The following JPH3 variants were observed in gnomAD, a reference collection of about 807,000 sequenced individuals.
JPH3 encodes junctophilin-3.
JPH3 carries 11 observed loss-of-function variants against 59.6 expected under a neutral mutation model. The observed-to-expected ratio is 0.18, with a 90% CI of 0.12 to 0.31. JPH3 has a LOEUF of 0.31. Ranked by LOEUF, JPH3 falls within the 10% of genes least tolerant of loss-of-function variation. The probability of loss-of-function intolerance (pLI) is 1.00; values close to 1 mark genes in which losing one functional copy is unlikely to be tolerated. For missense variants in JPH3, 1,202 were observed against 1,105.7 expected (o/e 1.09, Z -1.24); for synonymous variants, 673 against 483.6 (o/e 1.39, Z -5.14).
chr16:87,631,612 G>A (rs1433076321), intron 1 of JPH3, among the ~76,000 whole-genome samples: 1 of 152,144 alleles, frequency 6.6e-6, no homozygotes, highest in Non-Finnish European at 1.5e-5. Flanking sequence ...GAGCCCTCCA[G>A]TCTGGACGCT....
intron 2 of JPH3, among the ~76,000 whole-genome samples, chr16:87,671,212 C>T (rs1597279837): frequency 6.6e-6 from 1 of 152,184 alleles, no homozygotes. Context: ...TCTCTCTGTT[C>T]CTCGACTCCT....
intron 3 of JPH3, among the ~76,000 whole-genome samples, chr16:87,684,931 C>T (rs556695924): frequency 6.6e-6 from 1 of 152,334 alleles, no homozygotes; most frequent in East Asian, 1.9e-4. Flanking sequence ...CATCTCCTAC[C>T]TCATCTTGGA....
intron 3 of JPH3, among the ~76,000 whole-genome samples, chr16:87,688,650 A>G (rs1382811251): frequency 6.6e-6 from 1 of 151,584 alleles, no homozygotes; most frequent in Non-Finnish European, 1.5e-5. Flanking sequence ...CAGAGGGAAG[A>G]CTCCCCAAAT....
chr16:87,687,466 G>C (rs1193657902), intron 3 of JPH3, among the ~76,000 whole-genome samples: 2 of 152,174 alleles, frequency 1.3e-5, no homozygotes, highest in Non-Finnish European at 2.9e-5. Flanking sequence ...CGAGAACTCT[G>C]ACCGTCAGGG....
intron 1 of JPH3, among the ~76,000 whole-genome samples, chr16:87,621,106 C>T (rs2031169114): frequency 6.6e-6 from 1 of 152,206 alleles, no homozygotes; most frequent in Non-Finnish European, 1.5e-5. Context: ...TTGCAGTGAG[C>T]CGAAATCGTG....
At chr16:87,660,537 C>G (rs1018637800) in intron 2 of JPH3, among the ~76,000 whole-genome samples, 1 of 152,198 alleles carries the variant, frequency 6.6e-6, no homozygotes, top group Non-Finnish European at 1.5e-5. Flanking sequence ...TGCTTCTGTC[C>G]TGGGATAGCA....
chr16:87,692,128 C>G (rs1426572960), intron 4 of JPH3, among the ~76,000 whole-genome samples: 2 of 151,536 alleles, frequency 1.3e-5, no homozygotes, highest in African/African-American at 4.9e-5. Flanking sequence ...CCCACCCACC[C>G]TGGAGGATGC....
At chr16:87,602,429 G>A, upstream of JPH3, among the ~76,000 whole-genome samples, 1 of 104,530 alleles carries the variant, frequency 9.6e-6, no homozygotes, top group Non-Finnish European at 2.0e-5. Flanking sequence ...CGGGGGCGGG[G>A]GCGGGGGCGG....
rs550241117 is a variant in JPH3 at position 87,605,000 on chromosome 16, C to T, written c.382+1472C>T. 8 of 447,792 alleles carry T rather than the reference C, an allele frequency of 1.8e-5. No homozygotes were observed. The East Asian group carries it at 4.2e-4, about 24-fold the overall frequency. The allele number at this position is 447,792 out of a possible 1,614,324, so 27.7% of individuals were successfully genotyped here. On this transcript the variant is annotated intron_variant, in intron 1 of 4. Coordinates refer to ENST00000284262, the MANE Select transcript of JPH3 (RefSeq NM_020655.4). ...GGGCCTGTGTGTGTGTGTGCGCGCG[C>T]GTGCAGGCACAGGGAGGCCCGGGCA...
intron 1 of JPH3, chr16:87,604,211 A>G: frequency 7.0e-7 from 1 of 1,429,978 alleles, no homozygotes; most frequent in East Asian, 3.7e-5. Flanking sequence ...CCATTAGTTG[A>G]GGGAATCGAT....
intron 2 of JPH3, among the ~76,000 whole-genome samples, chr16:87,665,523 C>T (rs2032834047): frequency 6.6e-6 from 1 of 152,316 alleles, no homozygotes; most frequent in South Asian, 2.1e-4. Context: ...CCTCCCAAGG[C>T]CCCCCAACAT....
chr16:87,645,040 G>A lies in JPH3; in HGVS notation c.1160+5G>A. ...GGCTGAGATCGCGGCTTCCAGGTAG[G>A]AGGGCGAGGGGGCGGGGGGCCCTTC... On this transcript the variant is annotated splice_donor_5th_base_variant and intron_variant, in intron 2 of 4. Coordinates refer to ENST00000284262, the MANE Select transcript of JPH3 (RefSeq NM_020655.4). 1 of 1,597,764 alleles carries A rather than the reference G, an allele frequency of 6.3e-7. No individual in the cohort carries two copies. The highest frequency in any genetic ancestry group is 8.5e-7 in the Non-Finnish European group (1 of 1,177,414).
At chr16:87,642,557 C>T (rs1218668952) in intron 1 of JPH3, among the ~76,000 whole-genome samples, 1 of 152,272 alleles carries the variant, frequency 6.6e-6, no homozygotes, top group Non-Finnish European at 1.5e-5. Context: ...CTCCAGGCCT[C>T]TGGTCTGCAG....
At chr16:87,646,381 C>G (rs1372792947) in intron 2 of JPH3, among the ~76,000 whole-genome samples, 1 of 152,220 alleles carries the variant, frequency 6.6e-6, no homozygotes, top group Non-Finnish European at 1.5e-5. Flanking sequence ...CTACCTGACA[C>G]CGAGGTCCAA....
chr16:87,639,308 C>G (rs925522771), intron 1 of JPH3, among the ~76,000 whole-genome samples: 8 of 151,748 alleles, frequency 5.3e-5, no homozygotes, highest in Admixed American at 5.2e-4. Flanking sequence ...GATTCGAACT[C>G]AAGTCTGTCT....
rs768304182 is a variant in JPH3, at chr16:87,604,332, A to G, written c.382+804A>G. On this transcript the variant is annotated intron_variant, in intron 1 of 4. Coordinates refer to ENST00000284262, the MANE Select transcript of JPH3 (RefSeq NM_020655.4). ...TGCTGCTGCTGCTGCTGCTGCTGTA[A>G]GATGGTTTCTGTGCAGGGAACCTTG... 8.4e-4 allele frequency: 1,022 copies of G among 1,221,680 alleles called. 22 individuals are homozygous for G. The highest frequency in any genetic ancestry group is 4.3e-4 in the Middle Eastern group (2 of 4,644). The allele number at this position is 1,221,680 out of a possible 1,614,324, so 75.7% of individuals were successfully genotyped here. A position where few individuals can be genotyped will look rare whatever the true frequency, so the allele number is the denominator to read the frequency against.
intron 2 of JPH3, among the ~76,000 whole-genome samples, chr16:87,662,303 T>A (rs993550053): frequency 2.0e-5 from 3 of 152,174 alleles, no homozygotes; most frequent in African/African-American, 7.2e-5. Context: ...TGTCGATGTT[T>A]AAGGGTCAGT....
intron 1 of JPH3, among the ~76,000 whole-genome samples, chr16:87,607,499 C>G (rs2030567889): frequency 6.6e-6 from 1 of 152,256 alleles, no homozygotes; most frequent in African/African-American, 2.4e-5. Context: ...TCCACCCCGT[C>G]CCCCAGAACG....
intron 1 of JPH3, among the ~76,000 whole-genome samples, chr16:87,643,280 C>T (rs115278565): frequency 6.6e-6 from 1 of 152,192 alleles, no homozygotes; most frequent in Non-Finnish European, 1.5e-5. Flanking sequence ...TGGCGTCTGT[C>T]CATTTACCAG....
Sources: allele counts gnomAD v4.1 joint callset (sites outside exome capture counted in the v4.1 genomes callset), GRCh38; gene constraint gnomAD v4.1.1; transcripts MANE v1.5; gene names NCBI Gene and HGNC (gene_info 2026-07-23, HGNC 2026-07-21).